Variants in LRRC20 observed in about 807,000 individuals in gnomAD.
The protein encoded by LRRC20 is leucine-rich repeat-containing protein 20.
LRRC20 carries 11 observed loss-of-function variants against 14.4 expected under a neutral mutation model. That is an observed-to-expected ratio of 0.77 (90% confidence interval 0.48 to 1.27). The LOEUF (loss-of-function observed/expected upper bound fraction) is 1.27. LRRC20 is among the 50% of genes most tolerant of loss of function. The pLI, the probability that LRRC20 is intolerant of heterozygous loss-of-function variation, is 0.00. For missense variants in LRRC20, 219 were observed against 251.2 expected (o/e 0.87, Z 0.87); for synonymous variants, 121 against 107.3 (o/e 1.13, Z -0.79).
At chr10:70,342,761 G>A (rs561675335) in intron 2 of LRRC20, among the ~76,000 whole-genome samples, 1 of 152,164 alleles carries the variant, frequency 6.6e-6, no homozygotes, top group Admixed American at 6.5e-5. Context: ...ATGCTTCCAG[G>A]CCAGCTTCCA....
intron 4 of LRRC20, among the ~76,000 whole-genome samples, chr10:70,320,296 G>GAGATAGATAGATAGAT (rs10555469): frequency 2.3e-3 from 340 of 148,434 alleles, no homozygotes; most frequent in East Asian, 5.0e-3. Context: ...CATGTCCCAG[G>GAGATAGATAGATAGAT]AGATAGATAG....
chr10:70,380,007 C>G (rs541241086), intron 1 of LRRC20, among the ~76,000 whole-genome samples: 3 of 152,162 alleles, frequency 2.0e-5, no homozygotes, highest in Non-Finnish European at 2.9e-5. Flanking sequence ...AGAGTTCAGG[C>G]GGTAATGCTT....
chr10:70,374,324 C>T (rs938246019), intron 2 of LRRC20, among the ~76,000 whole-genome samples: 1 of 150,834 alleles, frequency 6.6e-6, no homozygotes, highest in Non-Finnish European at 1.5e-5. Flanking sequence ...TGAAGTGGAG[C>T]TGCTGTGTCC....
intron 2 of LRRC20, among the ~76,000 whole-genome samples, chr10:70,361,361 G>A (rs207471136): frequency 6.6e-6 from 1 of 152,214 alleles, no homozygotes; most frequent in African/African-American, 2.4e-5. Flanking sequence ...GGGAGCTTAC[G>A]CCCTAGTGTG....
intron 4 of LRRC20, among the ~76,000 whole-genome samples, chr10:70,307,848 A>G (rs1183684362): frequency 6.6e-6 from 1 of 152,234 alleles, no homozygotes; most frequent in Non-Finnish European, 1.5e-5. Flanking sequence ...AGGTCCCAGA[A>G]GTCGACAAGA....
intron 2 of LRRC20, among the ~76,000 whole-genome samples, chr10:70,343,974 G>A (rs1842996298): frequency 6.6e-6 from 1 of 152,222 alleles, no homozygotes; most frequent in Non-Finnish European, 1.5e-5. Flanking sequence ...CAAAGTGGAA[G>A]GATTGCTTGA....
intron 4 of LRRC20, among the ~76,000 whole-genome samples, chr10:70,304,290 C>T (rs1367385283): frequency 4.6e-5 from 7 of 151,808 alleles, no homozygotes; most frequent in East Asian, 1.9e-4. Flanking sequence ...AACCTCAGGC[C>T]GATAGTGATG....
chr10:70,357,042 A>C (rs1371217263), intron 2 of LRRC20, among the ~76,000 whole-genome samples: 1 of 152,250 alleles, frequency 6.6e-6, no homozygotes, highest in Admixed American at 6.5e-5. Context: ...TGAAATCCTG[A>C]CATGGGCTGC....
rs528272407 is a variant in LRRC20 at position 70,349,936 on chromosome 10, T to C, written c.83-9234A>G. Among the ~76,000 whole-genome samples, 3 of 152,190 alleles carry C rather than the reference T, an allele frequency of 2.0e-5. No individual in the cohort carries two copies. In the South Asian group the frequency reaches 6.2e-4, roughly 32 times the overall value. On this transcript the variant is annotated intron_variant, in intron 2 of 4. Coordinates refer to ENST00000446961, the MANE Select transcript of LRRC20 (RefSeq NM_001278212.2). ...TAGGGTCACCCTAGATTCAGGTGGA[T>C]GGATGAGAGTTCTACAGACAAAAAG...
chr10:70,356,528 A>G (rs1843531715), intron 2 of LRRC20, among the ~76,000 whole-genome samples: 1 of 151,680 alleles, frequency 6.6e-6, no homozygotes, highest in Non-Finnish European at 1.5e-5. Context: ...TTTGTCTCAA[A>G]AAAATAAAAA....
At chr10:70,305,595 T>A (rs1841390099) in intron 4 of LRRC20, among the ~76,000 whole-genome samples, 2 of 152,210 alleles carry the variant, frequency 1.3e-5, no homozygotes, top group Admixed American at 1.3e-4. Context: ...GTCTTAAATT[T>A]TTTTACTCAG....
At chr10:70,310,667 T>C (rs926875403) in intron 4 of LRRC20, among the ~76,000 whole-genome samples, 3 of 152,246 alleles carry the variant, frequency 2.0e-5, no homozygotes, top group African/African-American at 7.2e-5. Context: ...CCTTTTGAAC[T>C]AGACCATGAG....
chr10:70,367,591 C>T (rs1243310567), intron 2 of LRRC20, among the ~76,000 whole-genome samples: 1 of 152,024 alleles, frequency 6.6e-6, no homozygotes, highest in African/African-American at 2.4e-5. Flanking sequence ...GTGAAAGAAG[C>T]CAGGCTCAAG....
intron 4 of LRRC20, among the ~76,000 whole-genome samples, chr10:70,315,661 C>T (rs191301250): frequency 1.4e-4 from 22 of 152,230 alleles, no homozygotes; most frequent in Non-Finnish European, 2.6e-4. Context: ...TTGGAGACGC[C>T]CCCCCACAGA....
At position 70,301,219 on chromosome 10, in the gene LRRC20, G is replaced by T; in HGVS notation, c.*135C>A. ...TGTAAGCTATCTATCCAGACCAGCT[G>T]CACCCCACCCACCACGTGCTGCTCG... On this transcript the variant is annotated 3_prime_UTR_variant, in exon 5 of 5. Transcript: ENST00000446961. 6.9e-7 allele frequency: 1 copy of T among 1,442,130 alleles called. No individual in the cohort carries two copies. The highest frequency in any genetic ancestry group is 9.1e-7 in the Non-Finnish European group (1 of 1,102,628). The allele number at this position is 1,442,130 out of a possible 1,614,324, so 89.3% of individuals were successfully genotyped here.
intron 1 of LRRC20, among the ~76,000 whole-genome samples, chr10:70,379,586 C>T (rs375232576): frequency 2.0e-5 from 3 of 152,288 alleles, no homozygotes; most frequent in South Asian, 2.1e-4. Context: ...GAAGCAGCTC[C>T]GACTTGCGAT....
In LRRC20 at chr10:70,300,526, C is replaced by A; in HGVS notation, c.*828G>T. ...ACTGGACAGTGGTGAGGGTGGCCATCTAATCACTTTAGACAAGAGCTGCAG... is the reference window on the plus strand; with the variant it reads ...ACTGGACAGTGGTGAGGGTGGCCATATAATCACTTTAGACAAGAGCTGCAG... On this transcript the variant is annotated 3_prime_UTR_variant, in exon 5 of 5. Coordinates refer to ENST00000446961, the MANE Select transcript of LRRC20 (RefSeq NM_001278212.2). 4 of 985,532 alleles carry A rather than the reference C, an allele frequency of 4.1e-6. No homozygotes were observed. Among genetic ancestry groups the A allele is most frequent in the Non-Finnish European group, 4.8e-6 (4 of 830,016 alleles). 61.0% of individuals were successfully genotyped at this position (985,532 alleles called of 1,614,324 possible). A position where few individuals can be genotyped will look rare whatever the true frequency, so the allele number is the denominator to read the frequency against.
At chr10:70,346,338 T>C (rs10762367) in intron 2 of LRRC20, among the ~76,000 whole-genome samples, 62,135 of 151,974 alleles carry the variant, frequency 0.41, 12,947 homozygotes, top group East Asian at 0.58. Flanking sequence ...ATCACTTGGG[T>C]CCAGTTCAAG....
chr10:70,321,622 G>T (rs952427291), intron 4 of LRRC20, among the ~76,000 whole-genome samples: 3 of 152,222 alleles, frequency 2.0e-5, no homozygotes, highest in African/African-American at 7.2e-5. Context: ...TGGCCACTTG[G>T]GGTAAACCAG....
Sources: gnomAD v4.1 joint callset for allele counts (sites outside exome capture counted in the v4.1 genomes callset) on GRCh38, gnomAD v4.1.1 for gene constraint, MANE v1.5 for transcripts, NCBI Gene and HGNC (gene_info 2026-07-23, HGNC 2026-07-21) for gene names.